KCNAB1: variants seen among roughly 807,000 people sequenced by gnomAD.
KCNAB1 encodes the protein potassium voltage-gated channel subfamily A regulatory beta subunit 1.
A neutral mutation model predicts 64.6 loss-of-function variants in KCNAB1; 35 were observed. The ratio of observed to expected loss-of-function variants is 0.54; its 90% confidence interval spans 0.41 to 0.72. The LOEUF (loss-of-function observed/expected upper bound fraction) is 0.72, where lower values mean the gene tolerates loss of function less well. Among genes scored for constraint, KCNAB1 ranks in the 30% least tolerant of loss-of-function variants. The pLI, the probability that KCNAB1 is intolerant of heterozygous loss-of-function variation, is 0.00. For missense variants in KCNAB1, 401 were observed against 512.9 expected (o/e 0.78, Z 2.11); for synonymous variants, 177 against 183.8 (o/e 0.96, Z 0.30).
intron 1 of KCNAB1, among the ~76,000 whole-genome samples, chr3:156,421,310 G>A (rs816543): frequency 0.93 from 142,022 of 152,258 alleles, 66,394 homozygotes; most frequent in East Asian, 1. Flanking sequence ...AAGAAACTCA[G>A]ATTCTAGAAG....
intron 1 of KCNAB1, among the ~76,000 whole-genome samples, chr3:156,292,633 C>T (rs980096046): frequency 4.6e-5 from 7 of 152,090 alleles, no homozygotes; most frequent in Admixed American, 2.6e-4. Flanking sequence ...AAATAGCCTC[C>T]TGGGTTCAAG....
intron 1 of KCNAB1, among the ~76,000 whole-genome samples, chr3:156,306,532 T>A (rs1290387242): frequency 6.6e-6 from 1 of 152,268 alleles, no homozygotes; most frequent in Non-Finnish European, 1.5e-5. Flanking sequence ...TGTAGTATTC[T>A]GCAAATACGT....
rs770987507 is a variant in KCNAB1 at position 156,538,533 on chromosome 3, T to C, written c.*1786T>C. On this transcript the variant is annotated 3_prime_UTR_variant, in exon 14 of 14. Transcript: ENST00000490337. The stretch of plus-strand genomic sequence containing the variant: ...TGTATGTATAGAGGAGCTGAGGTGC[T>C]GTCTAATGGGAAATGTGATTTGATT... 4 of 151,936 alleles carry C rather than the reference T, an allele frequency of 2.6e-5. No individual in the cohort carries two copies. Among genetic ancestry groups the C allele is most frequent in the Non-Finnish European group, 4.4e-5 (3 of 67,836 alleles). 9.4% of individuals were successfully genotyped at this position (151,936 alleles called of 1,614,324 possible). A position where few individuals can be genotyped will look rare whatever the true frequency, so the allele number is the denominator to read the frequency against.
At chr3:156,384,347 T>C (rs1712406426) in intron 1 of KCNAB1, among the ~76,000 whole-genome samples, 1 of 152,240 alleles carries the variant, frequency 6.6e-6, no homozygotes, top group Admixed American at 6.5e-5. Flanking sequence ...AATGTCCTTC[T>C]ACTCTGCAGC....
chr3:156,249,102 G>C lies in KCNAB1; in HGVS notation c.275+128216G>C, dbSNP rs377624118. On this transcript the variant is annotated intron_variant, in intron 1 of 13. Transcript: ENST00000490337. Reference sequence around the variant, plus strand: ...TTGATTCTGATGCACCTGGAAGTCAGAATAAGAGAATATAATATAATGTTA... The same window carrying C: ...TTGATTCTGATGCACCTGGAAGTCACAATAAGAGAATATAATATAATGTTA... Among the ~76,000 whole-genome samples the C allele has an allele frequency of 1.4e-4, 21 of 151,916 alleles. No individual in the cohort carries two copies. In the South Asian group the frequency reaches 4.4e-3, roughly 32 times the overall value.
rs1348830819 is a variant in KCNAB1, at chr3:156,164,036, A to G, written c.275+43150A>G. On this transcript the variant is annotated intron_variant, in intron 1 of 13. Coordinates refer to ENST00000490337, the MANE Select transcript of KCNAB1 (RefSeq NM_172160.3). Reference sequence around the variant, plus strand: ...TCAAGACTGCAAAGTTTTGCATACTATCCTTCTCAGTTCTAACTGTTTCTT... The same window carrying G: ...TCAAGACTGCAAAGTTTTGCATACTGTCCTTCTCAGTTCTAACTGTTTCTT... Among the ~76,000 whole-genome samples the G allele has an allele frequency of 2.6e-5, 4 of 152,332 alleles. No homozygotes were observed. The East Asian group carries it at 5.8e-4, about 22-fold the overall frequency.
chr3:156,464,343 TTTGAAC>T (rs1713173699), intron 6 of KCNAB1, among the ~76,000 whole-genome samples: 1 of 152,142 alleles, frequency 6.6e-6, no homozygotes, highest in African/African-American at 2.4e-5. Context: ...CCTGCTGGCA[TTTGAAC>T]TGGTACTTAC....
At chr3:156,407,035 A>C (rs930224586) in intron 1 of KCNAB1, among the ~76,000 whole-genome samples, 1 of 152,156 alleles carries the variant, frequency 6.6e-6, no homozygotes, top group Admixed American at 6.5e-5. Context: ...TCTGTTATAC[A>C]ATTCTATTTT....
chr3:156,220,413 A>T (rs1048588363), intron 1 of KCNAB1, among the ~76,000 whole-genome samples: 31 of 152,182 alleles, frequency 2.0e-4, no homozygotes, highest in African/African-American at 7.0e-4. Flanking sequence ...TGCCATTCTA[A>T]CTGGCATGAG....
intron 1 of KCNAB1, among the ~76,000 whole-genome samples, chr3:156,384,389 G>A (rs527504958): frequency 6.6e-6 from 1 of 152,312 alleles, no homozygotes; most frequent in South Asian, 2.1e-4. Flanking sequence ...ATGATTTGCT[G>A]AAAAGCCCGA....
intron 1 of KCNAB1, among the ~76,000 whole-genome samples, chr3:156,356,556 C>A (rs1331708914): frequency 6.6e-6 from 1 of 152,088 alleles, no homozygotes; most frequent in East Asian, 1.9e-4. Flanking sequence ...TTCCTCACTA[C>A]GTTTTGTAAA....
intron 13 of KCNAB1, among the ~76,000 whole-genome samples, chr3:156,533,051 G>A (rs1257161696): frequency 2.0e-5 from 3 of 152,180 alleles, no homozygotes; most frequent in Admixed American, 1.3e-4. Context: ...AGAGCCTATT[G>A]TATACCAGGT....
chr3:156,535,543 T>C (rs1033494422), intron 13 of KCNAB1, among the ~76,000 whole-genome samples: 4 of 152,148 alleles, frequency 2.6e-5, no homozygotes, highest in African/African-American at 9.7e-5. Flanking sequence ...ACAGCTGCAC[T>C]TGCAGCTGCT....
intron 13 of KCNAB1, among the ~76,000 whole-genome samples, chr3:156,533,011 C>A (rs1718809450): frequency 6.6e-6 from 1 of 152,174 alleles, no homozygotes. Context: ...ATTAAAATAT[C>A]TATCCCTTAA....
chr3:156,407,404 C>T (rs1714319771), intron 1 of KCNAB1, among the ~76,000 whole-genome samples: 1 of 152,190 alleles, frequency 6.6e-6, no homozygotes, highest in Non-Finnish European at 1.5e-5. Flanking sequence ...TTCATAGCAC[C>T]TATCATTCAT....
At chr3:156,208,525 A>G (rs1714803070) in intron 1 of KCNAB1, among the ~76,000 whole-genome samples, 1 of 152,208 alleles carries the variant, frequency 6.6e-6, no homozygotes, top group Non-Finnish European at 1.5e-5. Flanking sequence ...CCTCTGAGTC[A>G]CTAACAGACT....
At chr3:156,219,461 T>C (rs947904355) in intron 1 of KCNAB1, among the ~76,000 whole-genome samples, 4 of 151,726 alleles carry the variant, frequency 2.6e-5, no homozygotes, top group Non-Finnish European at 5.9e-5. Flanking sequence ...ATTTGGACTA[T>C]GTTAAATGTC....
Position 156,476,566 on chromosome 3 carries a change from C to T in KCNAB1, c.658+1746C>T, listed in dbSNP as rs1428135475. Among the ~76,000 whole-genome samples, 6 of 79,076 alleles carry T rather than the reference C, an allele frequency of 7.6e-5. No homozygotes were observed. In the East Asian group the frequency reaches 1.8e-3, roughly 24 times the overall value. The allele number at this position is 79,076 out of a possible 152,430, so 51.9% of individuals were successfully genotyped here. A position where few individuals can be genotyped will look rare whatever the true frequency, so the allele number is the denominator to read the frequency against. Reference sequence around the variant, plus strand: ...ACACACGCACACACACACACATATACACACACACACACATATATACACACA... The same window carrying T: ...ACACACGCACACACACACACATATATACACACACACACATATATACACACA... On this transcript the variant is annotated intron_variant, in intron 8 of 13. Coordinates refer to ENST00000490337, the MANE Select transcript of KCNAB1 (RefSeq NM_172160.3).
At chr3:156,152,636 A>G (rs566962669) in intron 1 of KCNAB1, among the ~76,000 whole-genome samples, 15 of 152,308 alleles carry the variant, frequency 9.8e-5, no homozygotes, top group African/African-American at 2.9e-4. Flanking sequence ...AGCTCTGACA[A>G]TTGTAGAGTG....
Sources: allele counts gnomAD v4.1 joint callset (sites outside exome capture counted in the v4.1 genomes callset), GRCh38; gene constraint gnomAD v4.1.1; transcripts MANE v1.5; gene names NCBI Gene and HGNC (gene_info 2026-07-23, HGNC 2026-07-21).